IL34: variants seen among roughly 807,000 people sequenced by gnomAD.
IL34 encodes the protein interleukin 34.
IL34 carries 17 observed loss-of-function variants against 25.3 expected under a neutral mutation model. The observed-to-expected ratio is 0.67, with a 90% CI of 0.46 to 1.01. The LOEUF (loss-of-function observed/expected upper bound fraction) is 1.01. Ranked by LOEUF, IL34 falls within the 50% of genes least tolerant of loss-of-function variation. The probability of loss-of-function intolerance (pLI) is 0.00; values close to 1 mark genes in which losing one functional copy is unlikely to be tolerated. For synonymous variants in IL34, 174 were observed against 140.9 expected (o/e 1.23, Z -1.66); for missense variants, 368 against 312.9 (o/e 1.18, Z -1.33).
chr16:70,656,573 C>T, intron 2 of IL34, 29 bp from the exon 3 acceptor site: 1 of 965,792 alleles, frequency 1.0e-6, no homozygotes, highest in Non-Finnish European at 1.7e-6. Flanking sequence ...CTACTTCTGG[C>T]CTCATAGTTT....
chr16:70,629,190 A>C (rs944350528), intron 1 of IL34, among the ~76,000 whole-genome samples: 2 of 152,070 alleles, frequency 1.3e-5, no homozygotes, highest in Non-Finnish European at 2.9e-5. Context: ...TTGTATCTCT[A>C]ATTTTGTTTG....
At chr16:70,595,551 C>A (rs2050809781) in intron 1 of IL34, among the ~76,000 whole-genome samples, 1 of 152,056 alleles carries the variant, frequency 6.6e-6, no homozygotes, top group African/African-American at 2.4e-5. Flanking sequence ...CTCCTGGACT[C>A]ATGTGATCCT....
In IL34 at chr16:70,641,107, A is replaced by G. The variant is rs1490153222; in HGVS notation, c.-400-5441A>G. Among the ~76,000 whole-genome samples the G allele has an allele frequency of 2.1e-5, 3 of 141,294 alleles. No individual in the cohort carries two copies. In the East Asian group the frequency reaches 6.2e-4, roughly 29 times the overall value. 92.7% of individuals were successfully genotyped at this position (141,294 alleles called of 152,430 possible). On this transcript the variant is annotated intron_variant, in intron 1 of 6. Transcript: ENST00000429149. ...GCCAACATGGTGAAATCCTGTCTCT[A>G]CTAAACATACAAAAAAATCAGCCGG... is the stretch of plus-strand genomic sequence containing the variant.
In IL34 at chr16:70,635,364, C is replaced by G. The variant is rs115096227; in HGVS notation, c.-400-11184C>G. The stretch of plus-strand genomic sequence containing the variant: ...AACACCCTCCAGCTGCTGCAGCCTA[C>G]CCTGCTAGTTTTTGCTTTGTTTTCT... On this transcript the variant is annotated intron_variant, in intron 1 of 6. Transcript: ENST00000429149. 1.2e-3 allele frequency among the ~76,000 whole-genome samples: 187 copies of G among 152,354 alleles called. 1 individual carries two copies. The highest frequency in any genetic ancestry group is 4.4e-3 in the African/African-American group (183 of 41,580).
chr16:70,626,237 G>C (rs952689487), intron 1 of IL34, among the ~76,000 whole-genome samples: 6 of 152,144 alleles, frequency 3.9e-5, no homozygotes, highest in African/African-American at 1.4e-4. Context: ...ATTCAGTTTA[G>C]TGTGTCTCTT....
At chr16:70,592,402 A>G (rs1042586852) in intron 1 of IL34, among the ~76,000 whole-genome samples, 3 of 152,078 alleles carry the variant, frequency 2.0e-5, no homozygotes, top group African/African-American at 7.2e-5. Flanking sequence ...AGAATCAGGT[A>G]GCAACATAAC....
chr16:70,633,417 C>T (rs1209998149), intron 1 of IL34, among the ~76,000 whole-genome samples: 1 of 137,804 alleles, frequency 7.3e-6, no homozygotes, highest in Non-Finnish European at 1.7e-5. Context: ...CCATGCCTGG[C>T]TAATTAAAAA....
intron 1 of IL34, among the ~76,000 whole-genome samples, chr16:70,638,192 T>C (rs1302359389): frequency 2.6e-5 from 4 of 152,116 alleles, no homozygotes; most frequent in African/African-American, 4.8e-5. Context: ...AAAACTGGAA[T>C]CAGACTGGGC....
chr16:70,654,736 C>A lies in IL34; in HGVS notation c.162+65C>A, dbSNP rs563376222. On this transcript the variant is annotated intron_variant, in intron 2 of 5. Transcript: ENST00000288098. ...CCCGGGGTTCACCTGGCATAGGCCT[C>A]TGGACATTCAGAGCCCTTCTTAGGA... 3.3e-6 allele frequency: 5 copies of A among 1,529,664 alleles called. No individual in the cohort carries two copies. The African/African-American group carries it at 6.8e-5, about 21-fold the overall frequency. 94.8% of individuals were successfully genotyped at this position (1,529,664 alleles called of 1,614,324 possible). A position where few individuals can be genotyped will look rare whatever the true frequency, so the allele number is the denominator to read the frequency against.
chr16:70,655,840 C>T (rs920306923), intron 2 of IL34, among the ~76,000 whole-genome samples: 2 of 152,148 alleles, frequency 1.3e-5, no homozygotes, highest in South Asian at 2.1e-4. Flanking sequence ...TCCCAAGGTG[C>T]TGGGATTACA....
chr16:70,624,506 T>C lies in IL34; in HGVS notation c.-400-22042T>C, dbSNP rs112561665. Reference sequence around the variant, plus strand: ...AATAAAATGTATTTTGAGAATAAGATGGCCTTTTGACCTTTTAGGGTCTAG... The same window carrying C: ...AATAAAATGTATTTTGAGAATAAGACGGCCTTTTGACCTTTTAGGGTCTAG... On this transcript the variant is annotated intron_variant, in intron 1 of 6. Coordinates refer to the IL34 transcript ENST00000429149. 1.8e-4 allele frequency among the ~76,000 whole-genome samples: 27 copies of C among 152,286 alleles called. No homozygotes were observed. The East Asian group carries it at 4.0e-3, about 23-fold the overall frequency.
intron 1 of IL34, among the ~76,000 whole-genome samples, chr16:70,626,999 T>C (rs2051408233): frequency 6.6e-6 from 1 of 152,138 alleles, no homozygotes; most frequent in Non-Finnish European, 1.5e-5. Context: ...TAAAAATATA[T>C]ATGTTTCTTA....
At chr16:70,656,250 C>T (rs1027554467) in intron 2 of IL34, among the ~76,000 whole-genome samples, 3 of 152,160 alleles carry the variant, frequency 2.0e-5, no homozygotes, top group Admixed American at 6.6e-5. Context: ...CAAAATTCAT[C>T]TGGAGGCCGG....
At chr16:70,618,500 G>A (rs1194510368) in intron 1 of IL34, among the ~76,000 whole-genome samples, 4 of 152,236 alleles carry the variant, frequency 2.6e-5, no homozygotes, top group Non-Finnish European at 5.9e-5. Flanking sequence ...GAGAAATGTA[G>A]AGAGTGAGTT....
At chr16:70,627,689 C>G (rs898076081) in intron 1 of IL34, among the ~76,000 whole-genome samples, 1 of 152,098 alleles carries the variant, frequency 6.6e-6, no homozygotes, top group Non-Finnish European at 1.5e-5. Context: ...AAGCTGGTCT[C>G]GAGCTCCAGG....
chr16:70,653,976 A>C (rs2052147619), intron 1 of IL34: 1 of 152,268 alleles, frequency 6.6e-6, no homozygotes, highest in Non-Finnish European at 1.5e-5. Context: ...AGATCTGCTT[A>C]ACGTCCTAGA....
intron 1 of IL34, among the ~76,000 whole-genome samples, chr16:70,623,157 G>A (rs142694733): frequency 0.016 from 2,429 of 152,160 alleles, 68 homozygotes; most frequent in African/African-American, 0.056. Context: ...TGTCTGTGAC[G>A]CCTTGCAGCA....
chr16:70,626,909 C>A (rs2051406190), intron 1 of IL34, among the ~76,000 whole-genome samples: 1 of 152,108 alleles, frequency 6.6e-6, no homozygotes, highest in Admixed American at 6.5e-5. Context: ...TCAGAACTTG[C>A]TACTCTTTTC....
At chr16:70,599,531 ATTT>A (rs571022559) in intron 1 of IL34, among the ~76,000 whole-genome samples, 3 of 132,898 alleles carry the variant, frequency 2.3e-5, no homozygotes, top group African/African-American at 5.4e-5. Context: ...TAATTTTTGT[ATTT>A]TTTTTTTTTT....
Sources: allele counts gnomAD v4.1 joint callset (sites outside exome capture counted in the v4.1 genomes callset), GRCh38; gene constraint gnomAD v4.1.1; transcripts MANE v1.5; gene names NCBI Gene and HGNC (gene_info 2026-07-23, HGNC 2026-07-21).